The following FAM50A variants were observed in gnomAD, a reference collection of about 807,000 sequenced individuals.
FAM50A encodes the protein family with sequence similarity 50 member A, also known as protein FAM50A.
Under a neutral mutation model 35.5 loss-of-function variants are expected in FAM50A, and 6 were observed. That is an observed-to-expected ratio of 0.17 (90% CI 0.09 to 0.33). FAM50A has a LOEUF of 0.33. FAM50A is among the 10% of genes least tolerant of loss of function. The probability of loss-of-function intolerance (pLI) is 1.00; values close to 1 mark genes in which losing one functional copy is unlikely to be tolerated. For synonymous variants in FAM50A, 120 were observed against 110.9 expected (o/e 1.08, Z -0.52); for missense variants, 145 against 295.5 (o/e 0.49, Z 3.73).
At position 154,449,866 on chromosome X, in the gene FAM50A, C is replaced by G; in HGVS notation, c.781-17C>G. Reference sequence around the variant, plus strand: ...GATGGACCATCAAGACGCCGCTTTCCTGCCCTTGGCTCCCAGCATCACAGC... The same window carrying G: ...GATGGACCATCAAGACGCCGCTTTCGTGCCCTTGGCTCCCAGCATCACAGC... On this transcript the variant is annotated splice_polypyrimidine_tract_variant and intron_variant, in intron 9 of 12. Coordinates refer to ENST00000393600, the MANE Select transcript of FAM50A (RefSeq NM_004699.4). 1 of 1,210,942 alleles carries G rather than the reference C, an allele frequency of 8.3e-7. No individual in the cohort carries two copies. Among genetic ancestry groups the G allele is most frequent in the Non-Finnish European group, 1.1e-6 (1 of 894,882 alleles).
Sources: gnomAD v4.1 joint callset for allele counts on GRCh38, gnomAD v4.1.1 for gene constraint, MANE v1.5 for transcripts, NCBI Gene and HGNC (gene_info 2026-07-23, HGNC 2026-07-21) for gene names.